The following DAPK1 variants were observed in gnomAD, a reference collection of about 807,000 sequenced individuals.
DAPK1 encodes the protein death associated protein kinase 1.
In DAPK1, 56 loss-of-function variants were observed where a neutral mutation model predicts 144.9. The ratio of observed to expected loss-of-function variants is 0.39; its 90% CI spans 0.31 to 0.48. DAPK1 has a LOEUF of 0.48. Ranked by LOEUF, DAPK1 falls within the 20% of genes least tolerant of loss-of-function variation. The pLI is 0.95. For synonymous variants in DAPK1, 690 were observed against 749.0 expected, an observed-to-expected ratio of 0.92 and a Z score of 1.29; for missense variants, 1,454 against 1,875.4, an observed-to-expected ratio of 0.78 and a Z score of 4.15.
chr9:87,668,503 GC>G, intron 18 of DAPK1, 93 bp from the exon 19 acceptor site: 1 of 826,598 alleles, frequency 1.2e-6, no homozygotes, highest in Non-Finnish European at 2.1e-6. Context: ...CACCTGCTAT[GC>G]TTGTTTCTGC....
At chr9:87,675,867 A>ACACACACACACC (rs1824352382) in intron 19 of DAPK1, among the ~76,000 whole-genome samples, 1 of 150,302 alleles carries the variant, frequency 6.7e-6, no homozygotes, top group African/African-American at 2.5e-5. Flanking sequence ...ACACACACAC[A>ACACACACACACC]CACACACACA....
intron 2 of DAPK1, among the ~76,000 whole-genome samples, chr9:87,547,029 C>T (rs761072801): frequency 3.3e-5 from 5 of 151,914 alleles, no homozygotes; most frequent in Non-Finnish European, 7.4e-5. Flanking sequence ...TGTTGGCATG[C>T]GCCTATAGTC....
intron 2 of DAPK1, among the ~76,000 whole-genome samples, chr9:87,549,903 C>T (rs562132083): frequency 6.6e-6 from 1 of 152,306 alleles, no homozygotes; most frequent in Non-Finnish European, 1.5e-5. Context: ...CTCTGTCACG[C>T]CATCTTCATT....
chr9:87,656,839 C>G (rs1235303422), intron 17 of DAPK1, among the ~76,000 whole-genome samples: 1 of 152,182 alleles, frequency 6.6e-6, no homozygotes, highest in Non-Finnish European at 1.5e-5. Context: ...AATTATTTCT[C>G]TCCTGTTGAG....
At chr9:87,657,550 G>A (rs1830670689) in intron 17 of DAPK1, 1 of 164,960 alleles carries the variant, frequency 6.1e-6, no homozygotes, top group African/African-American at 2.4e-5. Flanking sequence ...GATATTCCTG[G>A]GCACCCCTAT....
In DAPK1 at chr9:87,650,125, T is replaced by C. The variant is rs1240092675; in HGVS notation, c.1626+7T>C. 4.3e-6 allele frequency: 7 copies of C among 1,613,800 alleles called. No homozygotes were observed. Among genetic ancestry groups the C allele is most frequent in the Non-Finnish European group, 5.9e-6 (7 of 1,179,954 alleles). On this transcript the variant is annotated splice_region_variant and intron_variant, in intron 16 of 25. Transcript: ENST00000408954. ...CCTTAATGCTTGCGACAAGGTGCCT[T>C]ATGGGGGAAGACTCATATGCACTGG...
At chr9:87,644,342 G>A (rs1830197828) in intron 11 of DAPK1, among the ~76,000 whole-genome samples, 2 of 152,026 alleles carry the variant, frequency 1.3e-5, no homozygotes, top group South Asian at 2.1e-4. Context: ...AGGTGAAGGG[G>A]ACTCCAGACA....
In DAPK1 at chr9:87,668,627, T is replaced by A. The variant is rs761790500; in HGVS notation, c.1954T>A (p.Ser652Thr). 2.8e-5 allele frequency: 41 copies of A among 1,488,084 alleles called. No individual in the cohort carries two copies. Among genetic ancestry groups the A allele is most frequent in the Non-Finnish European group, 3.7e-5 (39 of 1,064,946 alleles). The allele number at this position is 1,488,084 out of a possible 1,614,324, so 92.2% of individuals were successfully genotyped here. Residue 652 changes from serine (S) to threonine (T), a missense_variant, in exon 19 of 26, where the codon TCG becomes ACG. Transcript: ENST00000408954. ...AAAGACGGCAGAAGATCTTGCTAGA[T>A]CGGAACAGCACGAGCACGTAGCAGG... ...DGKTAEDLARSEQHEHVAGLL... is the reference protein window; with the variant it reads ...DGKTAEDLARTEQHEHVAGLL...
chr9:87,578,084 A>G (rs1327054203), intron 2 of DAPK1, among the ~76,000 whole-genome samples: 2 of 152,156 alleles, frequency 1.3e-5, no homozygotes, highest in Non-Finnish European at 2.9e-5. Flanking sequence ...TCCGATTTTA[A>G]ATGTAACTCA....
chr9:87,501,515 A>G (rs1824395751), intron 2 of DAPK1, among the ~76,000 whole-genome samples: 1 of 152,138 alleles, frequency 6.6e-6, no homozygotes. Flanking sequence ...ACTGCCCTCC[A>G]GCCTGGGTGA....
At chr9:87,585,149 G>A (rs1460406910) in intron 2 of DAPK1, among the ~76,000 whole-genome samples, 1 of 152,210 alleles carries the variant, frequency 6.6e-6, no homozygotes, top group Non-Finnish European at 1.5e-5. Flanking sequence ...TATTCACTGT[G>A]TGTATTGTTT....
At chr9:87,607,944 G>T (rs1828791632) in intron 3 of DAPK1, among the ~76,000 whole-genome samples, 1 of 152,164 alleles carries the variant, frequency 6.6e-6, no homozygotes, top group South Asian at 2.1e-4. Flanking sequence ...CATGGCTGGG[G>T]AGGCCTCAGG....
At chr9:87,564,796 T>A (rs975717475) in intron 2 of DAPK1, among the ~76,000 whole-genome samples, 4 of 152,182 alleles carry the variant, frequency 2.6e-5, no homozygotes, top group Non-Finnish European at 5.9e-5. Context: ...CGGTCTCACC[T>A]CTTAACACTG....
At chr9:87,615,138 A>G (rs1829052057) in intron 3 of DAPK1, among the ~76,000 whole-genome samples, 1 of 152,208 alleles carries the variant, frequency 6.6e-6, no homozygotes, top group South Asian at 2.1e-4. Flanking sequence ...ACGTCCTTGC[A>G]AAATGTGGTT....
At chr9:87,697,908 C>T (rs923620178) in intron 22 of DAPK1, among the ~76,000 whole-genome samples, 6 of 152,208 alleles carry the variant, frequency 3.9e-5, no homozygotes, top group Admixed American at 2.0e-4. Flanking sequence ...GAGCCAAGAT[C>T]GTGCCACTGC....
At chr9:87,619,933 A>G (rs2119034770) in intron 3 of DAPK1, among the ~76,000 whole-genome samples, 1 of 152,306 alleles carries the variant, frequency 6.6e-6, no homozygotes, top group East Asian at 1.9e-4. Flanking sequence ...CTCTTCAGAC[A>G]ATCCTAAGTC....
intron 3 of DAPK1, among the ~76,000 whole-genome samples, chr9:87,624,253 G>A (rs775800860): frequency 6.6e-6 from 1 of 152,174 alleles, no homozygotes; most frequent in African/African-American, 2.4e-5. Flanking sequence ...CTTCCAAGAT[G>A]TCCTCCACAT....
chr9:87,554,150 G>A (rs544522752), intron 2 of DAPK1: 4 of 152,266 alleles, frequency 2.6e-5, no homozygotes, highest in East Asian at 1.9e-4. Flanking sequence ...CATACATCAC[G>A]AGCAGCATTT....
intron 2 of DAPK1, among the ~76,000 whole-genome samples, chr9:87,564,114 T>C (rs528426045): frequency 6.6e-6 from 1 of 152,380 alleles, no homozygotes; most frequent in Admixed American, 6.5e-5. Flanking sequence ...TCTCTGTTAC[T>C]GGCACTTTAC....
Sources: allele counts gnomAD v4.1 joint callset (sites outside exome capture counted in the v4.1 genomes callset), GRCh38; gene constraint gnomAD v4.1.1; transcripts MANE v1.5; gene names NCBI Gene and HGNC (gene_info 2026-07-23, HGNC 2026-07-21).